Variants in COL6A2 observed in about 807,000 individuals in gnomAD.
COL6A2 encodes collagen alpha-2(VI) chain.
In COL6A2, 90 loss-of-function variants were observed where a neutral mutation model predicts 124.9. The observed-to-expected ratio is 0.72, with a 90% CI of 0.61 to 0.86. The LOEUF (loss-of-function observed/expected upper bound fraction) is 0.86, where lower values mean the gene tolerates loss of function less well. Among genes scored for constraint, COL6A2 ranks in the 40% least tolerant of loss-of-function variants. The pLI is 0.00. For missense variants in COL6A2, 1,607 were observed against 1,502.5 expected (o/e 1.07, Z -1.15); for synonymous variants, 793 against 618.2 (o/e 1.28, Z -4.19).
chr21:46,125,763 A>C (rs2123662831), intron 25 of COL6A2, 22 bp from the exon 26 acceptor site: 1 of 1,609,050 alleles, frequency 6.2e-7, no homozygotes. Context: ...TCTGGCAACG[A>C]CCTCACGCGT....
chr21:46,109,860 G>A (rs563642643), intron 1 of COL6A2, among the ~76,000 whole-genome samples: 442 of 152,324 alleles, frequency 2.9e-3, no homozygotes, highest in African/African-American at 0.01. Context: ...CGATGCCTGG[G>A]TCAGCAGCCC....
intron 11 of COL6A2, among the ~76,000 whole-genome samples, 180 bp from the exon 12 acceptor site, chr21:46,117,694 T>C (rs1444573639): frequency 6.6e-6 from 1 of 152,156 alleles, no homozygotes; most frequent in East Asian, 1.9e-4. Context: ...TCGGTGTCAC[T>C]GGACAGCTCC....
At chr21:46,107,054 A>G (rs1226909689) in intron 1 of COL6A2, among the ~76,000 whole-genome samples, 1 of 152,084 alleles carries the variant, frequency 6.6e-6, no homozygotes, top group Non-Finnish European at 1.5e-5. Context: ...TGTCTTTCCA[A>G]TATATTTCTC....
At chr21:46,126,471 TGGCCTGGCCC>T (rs1568941267) in intron 26 of COL6A2, 22 bp from the exon 27 acceptor site, 1 of 1,600,070 alleles carries the variant, frequency 6.2e-7, no homozygotes, top group Non-Finnish European at 8.5e-7. Context: ...GGACTGACCC[TGGCCTGGCCC>T]GGCCTCTCTC....
chr21:46,108,061 CCTTTCTCTTT>C (rs1419011373), intron 1 of COL6A2, among the ~76,000 whole-genome samples: 1 of 151,270 alleles, frequency 6.6e-6, no homozygotes, highest in Non-Finnish European at 1.5e-5. Context: ...AATCTCCCCT[CCTTTCTCTTT>C]CTTTCTCTCT....
intron 17 of COL6A2, among the ~76,000 whole-genome samples, 159 bp from the exon 18 acceptor site, chr21:46,121,397 C>T (rs1265509308): frequency 6.6e-6 from 1 of 152,208 alleles, no homozygotes; most frequent in Non-Finnish European, 1.5e-5. Context: ...AAAGGAGGAG[C>T]TGGGACCCTC....
At chr21:46,102,000 A>G (rs1312740824) in intron 1 of COL6A2, among the ~76,000 whole-genome samples, 1 of 150,512 alleles carries the variant, frequency 6.6e-6, no homozygotes, top group Non-Finnish European at 1.5e-5. Flanking sequence ...TTTGGGTGGT[A>G]TTGACATCTT....
intron 13 of COL6A2, 54 bp from the exon 14 acceptor site, chr21:46,118,976 C>A: frequency 1.5e-6 from 2 of 1,371,508 alleles, no homozygotes; most frequent in Non-Finnish European, 2.1e-6. Flanking sequence ...ACAGGCGTGA[C>A]CATGCCTCAG....
chr21:46,131,191 C>A (rs1167718015), intron 27 of COL6A2, among the ~76,000 whole-genome samples: 1 of 152,228 alleles, frequency 6.6e-6, no homozygotes, highest in South Asian at 2.1e-4. Context: ...AGGGCCAGGT[C>A]CACGCAAGGA....
intron 27 of COL6A2, chr21:46,128,963 G>A (rs766546510): frequency 6.2e-6 from 10 of 1,609,992 alleles, no homozygotes; most frequent in Non-Finnish European, 7.6e-6. Context: ...TCCCCCAAAG[G>A]TGCCACCGTG....
rs141257132 is a variant in COL6A2 at position 46,125,484 on chromosome 21, C to A, written c.1836C>A (p.Gly612=). ...CGCCDCEKRC[G]ALDVVFVIDS... ...CCCCAGACTGTGAGAAGCGCTGTGG[C>A]GCCCTGGACGTGGTCTTCGTCATCG... Residue 612 remains glycine, a synonymous_variant, in exon 25 of 28, where the codon GGC becomes GGA. Coordinates refer to ENST00000300527, the MANE Select transcript of COL6A2 (RefSeq NM_001849.4). 3 of 1,612,566 alleles carry A rather than the reference C, an allele frequency of 1.9e-6. No homozygotes were observed. The South Asian group carries it at 3.3e-5, about 18-fold the overall frequency.
chr21:46,118,081 G>A (rs576052103), intron 12 of COL6A2, 145 bp downstream of exon 12: 125 of 794,716 alleles, frequency 1.6e-4, no homozygotes, highest in Non-Finnish European at 1.9e-4. Flanking sequence ...GGGATGTGGT[G>A]GAGGGTGCCC....
chr21:46,125,953 G>A lies in COL6A2; in HGVS notation c.2138G>A (p.Arg713His), dbSNP rs746159648. The A allele has an allele frequency of 1.2e-5, 19 of 1,613,170 alleles. No individual in the cohort carries two copies. Among genetic ancestry groups the A allele is most frequent in the Non-Finnish European group, 1.4e-5 (16 of 1,179,952 alleles). ...TPSALKFAYD[R>H]LIKESRRQKT... ...TCAGCCCTCAAGTTTGCCTACGACC[G>A]CCTCATCAAGGAGAGCCGGCGCCAG... The change falls in exon 26 of 28, where the codon CGC becomes CAC. Residue 713 changes from arginine (R) to histidine (H), a missense_variant. Arg to His is a conservative substitution (Grantham distance 29). Coordinates refer to ENST00000300527, the MANE Select transcript of COL6A2 (RefSeq NM_001849.4).
chr21:46,112,693 C>T (rs757569381), intron 3 of COL6A2, 111 bp from the exon 4 acceptor site: 14 of 1,596,534 alleles, frequency 8.8e-6, no homozygotes, highest in Middle Eastern at 3.3e-4. Flanking sequence ...GAGGAAGCTC[C>T]GGGCAGGGCC....
intron 14 of COL6A2, 58 bp from the exon 15 acceptor site, chr21:46,119,730 C>T (rs2078530272): frequency 2.0e-6 from 3 of 1,488,424 alleles, no homozygotes; most frequent in African/African-American, 2.8e-5. Flanking sequence ...CCCCACCCTC[C>T]ACAGGCTCTG....
chr21:46,132,836 G>A lies in COL6A2; in HGVS notation c.*284G>A, dbSNP rs1037988660. Reference sequence around the variant, plus strand: ...CTGGAGCAAGCCCTGACCCAATAAAGGCTTTGAACCCATTGCGTGCCTGCT... The same window carrying A: ...CTGGAGCAAGCCCTGACCCAATAAAAGCTTTGAACCCATTGCGTGCCTGCT... On this transcript the variant is annotated 3_prime_UTR_variant, in exon 28 of 28. Transcript: ENST00000300527. 2.3e-5 allele frequency: 12 copies of A among 527,082 alleles called. No individual in the cohort carries two copies. Among genetic ancestry groups the A allele is most frequent in the Non-Finnish European group, 3.8e-5 (11 of 290,872 alleles). The allele number at this position is 527,082 out of a possible 1,614,324, so 32.7% of individuals were successfully genotyped here.
At chr21:46,129,101 C>T in intron 27 of COL6A2, 1 of 1,604,080 alleles carries the variant, frequency 6.2e-7, no homozygotes, top group South Asian at 1.1e-5. Flanking sequence ...AAATGCCGCT[C>T]TTCACTCTGG....
At chr21:46,099,646 C>G (rs2078265997) in intron 1 of COL6A2, among the ~76,000 whole-genome samples, 1 of 152,134 alleles carries the variant, frequency 6.6e-6, no homozygotes, top group Non-Finnish European at 1.5e-5. Flanking sequence ...GGGCCCTACC[C>G]AGCCCGCGGG....
chr21:46,132,355 G>T lies in COL6A2; in HGVS notation c.2863G>T (p.Asp955Tyr). Residue 955 changes from aspartate (D) to tyrosine (Y), a missense_variant, in exon 28 of 28, where the codon GAC becomes TAC. Physicochemically the swap from Asp to Tyr is radical, Grantham distance 160. Transcript: ENST00000300527. ...CCTCACGGACGGCGTCACGGGCAACGACAGTCTGCACGAGTCGGCGCACTC... is the reference window on the plus strand; with the variant it reads ...CCTCACGGACGGCGTCACGGGCAACTACAGTCTGCACGAGTCGGCGCACTC... ...VFLTDGVTGNDSLHESAHSMR... is the reference protein window; with the variant it reads ...VFLTDGVTGNYSLHESAHSMR... The T allele has an allele frequency of 6.2e-7, 1 of 1,608,830 alleles. No homozygotes were observed. Among genetic ancestry groups the T allele is most frequent in the South Asian group, 1.1e-5 (1 of 91,064 alleles).
Sources: gnomAD v4.1 joint callset for allele counts (sites outside exome capture counted in the v4.1 genomes callset) on GRCh38, gnomAD v4.1.1 for gene constraint, MANE v1.5 for transcripts, NCBI Gene and HGNC (gene_info 2026-07-23, HGNC 2026-07-21) for gene names.